The following GLCCI1 variants were observed in gnomAD, a reference collection of about 807,000 sequenced individuals.
The protein encoded by GLCCI1 is glucocorticoid-induced transcript 1 protein.
In GLCCI1, 24 loss-of-function variants were observed where a neutral mutation model predicts 52.2. The observed-to-expected ratio is 0.46, with a 90% CI of 0.33 to 0.65. The LOEUF is 0.65. Among genes scored for constraint, GLCCI1 ranks in the 30% least tolerant of loss-of-function variants. GLCCI1 has a pLI of 0.02. For synonymous variants in GLCCI1, 310 were observed against 276.5 expected (o/e 1.12, Z -1.20); for missense variants, 704 against 701.5 (o/e 1.00, Z -0.04).
At chr7:8,042,196 A>G (rs1350659824) in intron 3 of GLCCI1, among the ~76,000 whole-genome samples, 1 of 152,234 alleles carries the variant, frequency 6.6e-6, no homozygotes, top group Non-Finnish European at 1.5e-5. Flanking sequence ...CACAACATCC[A>G]TTCTGCAGTC....
chr7:7,991,352 T>G (rs1028189444), intron 1 of GLCCI1, among the ~76,000 whole-genome samples: 3 of 152,088 alleles, frequency 2.0e-5, no homozygotes, highest in Non-Finnish European at 1.5e-5. Flanking sequence ...GACTGTTGTG[T>G]TTTCTGTATT....
intron 1 of GLCCI1, chr7:7,982,032 G>C (rs1039966988): frequency 4.5e-6 from 2 of 448,992 alleles, no homozygotes; most frequent in Admixed American, 5.5e-5. Flanking sequence ...GAAGAAAGCT[G>C]TTGGGAGAAA....
At chr7:7,970,731 T>A (rs1265388190) in intron 1 of GLCCI1, among the ~76,000 whole-genome samples, 2 of 152,136 alleles carry the variant, frequency 1.3e-5, no homozygotes, top group Non-Finnish European at 2.9e-5. Flanking sequence ...AGTTGAGCCC[T>A]GGGGGAGAAA....
At chr7:7,990,409 CA>C (rs1378818187) in intron 1 of GLCCI1, among the ~76,000 whole-genome samples, 1 of 152,046 alleles carries the variant, frequency 6.6e-6, no homozygotes, top group Non-Finnish European at 1.5e-5. Flanking sequence ...TAATAATGCC[CA>C]GTTTTGTGGC....
rs35255634 is a variant in GLCCI1, at chr7:7,976,479, C to CAAAA, written c.457+6688_457+6691dup. Reference sequence around the variant, plus strand: ...GGGCAACAAGAGTGAAACTCCATCTCAAAAAAAAAAAAAAAAAAAGGAAAG... The same window carrying CAAAA: ...GGGCAACAAGAGTGAAACTCCATCTCAAAAAAAAAAAAAAAAAAAAAAAGGAAAG... On this transcript the variant is annotated intron_variant, in intron 1 of 7. Transcript: ENST00000223145. Among the ~76,000 whole-genome samples the CAAAA allele has an allele frequency of 3.7e-4, 9 of 24,540 alleles. 1 individual carries two copies. Among genetic ancestry groups the CAAAA allele is most frequent in the African/African-American group, 8.0e-4 (4 of 5,014 alleles). 16.1% of individuals were successfully genotyped at this position (24,540 alleles called of 152,430 possible).
chr7:8,049,408 C>A (rs777281644), intron 3 of GLCCI1, among the ~76,000 whole-genome samples: 1 of 152,088 alleles, frequency 6.6e-6, no homozygotes, highest in Non-Finnish European at 1.5e-5. Context: ...TTTATATTAT[C>A]TCTTTGAAAT....
intron 1 of GLCCI1, among the ~76,000 whole-genome samples, chr7:7,976,784 A>G (rs1236527808): frequency 6.6e-6 from 1 of 151,458 alleles, no homozygotes; most frequent in Non-Finnish European, 1.5e-5. Flanking sequence ...ATGGTGGGAC[A>G]CTCCTGTAGT....
At chr7:8,015,031 C>T (rs1461334419) in intron 2 of GLCCI1, among the ~76,000 whole-genome samples, 1 of 152,184 alleles carries the variant, frequency 6.6e-6, no homozygotes, top group African/African-American at 2.4e-5. Flanking sequence ...GCATCTTTCC[C>T]TAGAAATCTA....
intron 1 of GLCCI1, among the ~76,000 whole-genome samples, chr7:7,987,855 C>G (rs868735271): frequency 1.3e-5 from 2 of 152,206 alleles, no homozygotes; most frequent in Middle Eastern, 3.4e-3. Flanking sequence ...TTTAAAAGAG[C>G]TGGGGTTGCA....
chr7:8,006,309 T>A (rs1214128213), intron 2 of GLCCI1, among the ~76,000 whole-genome samples: 2 of 152,136 alleles, frequency 1.3e-5, no homozygotes, highest in Non-Finnish European at 2.9e-5. Flanking sequence ...AGAGGCACAT[T>A]GTCTTGGAGA....
chr7:8,020,339 G>A (rs1781458592), intron 2 of GLCCI1, among the ~76,000 whole-genome samples: 1 of 152,124 alleles, frequency 6.6e-6, no homozygotes, highest in Non-Finnish European at 1.5e-5. Flanking sequence ...CCAAAACATT[G>A]TTATGCAGCA....
At chr7:8,022,891 A>AT (rs1158693001) in intron 3 of GLCCI1, among the ~76,000 whole-genome samples, 1 of 152,182 alleles carries the variant, frequency 6.6e-6, no homozygotes, top group East Asian at 1.9e-4. Flanking sequence ...AATTTTATGT[A>AT]ATACTCTCTA....
At position 8,088,265 on chromosome 7, in the gene GLCCI1, T is replaced by C. The variant is rs1783161962; in HGVS notation, c.*1727T>C. ...TTGTGTGTGTGTGTGTGTGTGTGTG[T>C]GTGTGTATTCTGTGCATTATTTTGT... On this transcript the variant is annotated 3_prime_UTR_variant, in exon 8 of 8. Transcript: ENST00000223145. The C allele has an allele frequency of 6.6e-6, 1 of 151,948 alleles. No homozygotes were observed. Among genetic ancestry groups the C allele is most frequent in the South Asian group, 2.1e-4 (1 of 4,810 alleles). The allele number at this position is 151,948 out of a possible 1,614,324, so 9.4% of individuals were successfully genotyped here. A position where few individuals can be genotyped will look rare whatever the true frequency, so the allele number is the denominator to read the frequency against.
rs1470192021 is a variant in GLCCI1 at position 8,049,923 on chromosome 7, T to C, written c.697-5510T>C. 3.3e-5 allele frequency among the ~76,000 whole-genome samples: 5 copies of C among 152,364 alleles called. No homozygotes were observed. In the East Asian group the frequency reaches 9.6e-4, roughly 29 times the overall value. ...TATAAATTTGAGGCATCAGATGGAT[T>C]TGTGAACAGTGTTTTTAAATTTTAG... On this transcript the variant is annotated intron_variant, in intron 3 of 7. Transcript: ENST00000223145.
chr7:7,979,427 T>C (rs1436436528), intron 1 of GLCCI1, among the ~76,000 whole-genome samples: 2 of 145,626 alleles, frequency 1.4e-5, no homozygotes, highest in African/African-American at 4.9e-5. Context: ...ATATGAATTG[T>C]TTATTTCTAA....
chr7:8,028,198 C>T (rs191705755), intron 3 of GLCCI1, among the ~76,000 whole-genome samples: 7 of 152,206 alleles, frequency 4.6e-5, no homozygotes, highest in African/African-American at 1.4e-4. Context: ...CAAAGACAGA[C>T]CACATATTAG....
At chr7:7,991,953 G>C (rs1780845410) in intron 1 of GLCCI1, among the ~76,000 whole-genome samples, 1 of 152,058 alleles carries the variant, frequency 6.6e-6, no homozygotes, top group Admixed American at 6.6e-5. Context: ...TTGAGCAGGA[G>C]CTGATTTCTT....
At chr7:8,043,975 C>T (rs1782061878) in intron 3 of GLCCI1, among the ~76,000 whole-genome samples, 1 of 148,912 alleles carries the variant, frequency 6.7e-6, no homozygotes, top group African/African-American at 2.5e-5. Flanking sequence ...GATGGAGTCT[C>T]GCTCTGTCAC....
intron 1 of GLCCI1, among the ~76,000 whole-genome samples, chr7:8,000,227 C>T (rs1781025482): frequency 6.6e-6 from 1 of 152,150 alleles, no homozygotes; most frequent in Admixed American, 6.5e-5. Context: ...AAACAAATTA[C>T]TATAAATCAG....
Sources: allele counts gnomAD v4.1 joint callset (sites outside exome capture counted in the v4.1 genomes callset), GRCh38; gene constraint gnomAD v4.1.1; transcripts MANE v1.5; gene names NCBI Gene and HGNC (gene_info 2026-07-23, HGNC 2026-07-21).